PELP1: variants seen among roughly 807,000 people sequenced by gnomAD.
PELP1 encodes the protein proline-, glutamic acid- and leucine-rich protein 1.
PELP1 carries 32 observed loss-of-function variants against 95.5 expected under a neutral mutation model. The ratio of observed to expected loss-of-function variants is 0.34; its 90% confidence interval spans 0.25 to 0.45. The LOEUF (loss-of-function observed/expected upper bound fraction) is 0.45. PELP1 is among the 20% of genes least tolerant of loss of function. The probability of loss-of-function intolerance (pLI) is 1.00; values close to 1 mark genes in which losing one functional copy is unlikely to be tolerated. For missense variants in PELP1, 1,358 were observed against 1,444.8 expected (o/e 0.94, Z 0.97); for synonymous variants, 668 against 600.1 (o/e 1.11, Z -1.65).
chr17:4,696,918 G>A (rs1020938127), intron 1 of PELP1: 3 of 151,960 alleles, frequency 2.0e-5, no homozygotes, highest in African/African-American at 7.3e-5. Context: ...GCAGGTTTTG[G>A]GGTGACAATA....
Position 4,704,055 on chromosome 17 carries a change from G to A in PELP1, c.57C>T (p.Gly19=), listed in dbSNP as rs151144796. The A allele has an allele frequency of 4.7e-5, 75 of 1,612,280 alleles. No homozygotes were observed. In the African/African-American group the frequency reaches 6.7e-4, roughly 14 times the overall value. ...TCACTGCCGAGAGACCCCCGGTCCC[G>A]CCAGGAACCCCAGCCGCGGAGCCCG... ...PSAGSAAGVP[G]GTGGLSAVSS... Residue 19 remains glycine (G), a synonymous_variant, in exon 1 of 17, where the codon GGC becomes GGT. Coordinates refer to ENST00000572293, the MANE Select transcript of PELP1 (RefSeq NM_014389.3).
intron 1 of PELP1, among the ~76,000 whole-genome samples, chr17:4,695,020 T>C (rs888689003): frequency 6.7e-6 from 1 of 150,046 alleles, no homozygotes; most frequent in Non-Finnish European, 1.5e-5. Flanking sequence ...AATGTGAGAC[T>C]CCATTTCGAA....
At chr17:4,681,556 T>C (rs932032635) in intron 5 of PELP1, among the ~76,000 whole-genome samples, 4 of 149,788 alleles carry the variant, frequency 2.7e-5, no homozygotes, top group African/African-American at 7.4e-5. Flanking sequence ...AATCCCAGCA[T>C]TTTGGGAGGT....
In PELP1 at chr17:4,672,279, C is replaced by CTCTTCTTCCTCTTCT. The variant is rs777193038; in HGVS notation, c.2697_2711dup (p.Glu904_Glu908dup). 3.9e-6 allele frequency: 6 copies of CTCTTCTTCCTCTTCT among 1,549,400 alleles called. No homozygotes were observed. Among genetic ancestry groups the CTCTTCTTCCTCTTCT allele is most frequent in the South Asian group, 1.2e-5 (1 of 83,636 alleles). ...CTTCCTCAAAGTCTTCCTCCTCTTC[C>CTCTTCTTCCTCTTCT]TCTTCTTCCTCTTCTTCTTCTTCCT... On this transcript the variant is annotated inframe_insertion, in exon 16 of 17. Coordinates refer to ENST00000572293, the MANE Select transcript of PELP1 (RefSeq NM_014389.3).
chr17:4,700,003 C>T (rs921576456), intron 1 of PELP1, among the ~76,000 whole-genome samples: 4 of 145,790 alleles, frequency 2.7e-5, no homozygotes, highest in African/African-American at 5.1e-5. Context: ...CGAGTTCAAG[C>T]GATTCTCCTG....
chr17:4,679,032 CTT>C (rs58935401), intron 5 of PELP1, among the ~76,000 whole-genome samples: 2 of 146,524 alleles, frequency 1.4e-5, no homozygotes, highest in Non-Finnish European at 1.5e-5. Context: ...TCCAGATGAC[CTT>C]TTTTTTTTTT....
At chr17:4,692,159 T>C (rs1597455602) in intron 1 of PELP1, among the ~76,000 whole-genome samples, 1 of 152,208 alleles carries the variant, frequency 6.6e-6, no homozygotes, top group South Asian at 2.1e-4. Context: ...GAAATATTTA[T>C]TCGTTAAATA....
rs747574743 is a variant in PELP1, at chr17:4,672,597, C to G, written c.2394G>C (p.Leu798=). Residue 798 remains leucine (L), a synonymous_variant, in exon 16 of 17, where the codon CTG becomes CTC. Coordinates refer to ENST00000572293, the MANE Select transcript of PELP1 (RefSeq NM_014389.3). ...VVIVPEGLPP[L]PPPPPSGATP... ...TGGCACCTGAGGGTGGTGGGGGTGGCAGGGGGGGAAGCCCCTCGGGCACGA... is the reference window on the plus strand; with the variant it reads ...TGGCACCTGAGGGTGGTGGGGGTGGGAGGGGGGGAAGCCCCTCGGGCACGA... The G allele has an allele frequency of 4.6e-6, 4 of 861,782 alleles. No individual in the cohort carries two copies. The highest frequency in any genetic ancestry group is 6.1e-6 in the Non-Finnish European group (4 of 659,836). The allele number at this position is 861,782 out of a possible 1,614,324, so 53.4% of individuals were successfully genotyped here.
Position 4,673,805 on chromosome 17 carries a change from A to C in PELP1, c.1583-131T>G. 1.3e-6 allele frequency: 1 copy of C among 766,078 alleles called. No homozygotes were observed. The highest frequency in any genetic ancestry group is 2.4e-6 in the Non-Finnish European group (1 of 422,094). The allele number at this position is 766,078 out of a possible 1,614,324, so 47.5% of individuals were successfully genotyped here. A position where few individuals can be genotyped will look rare whatever the true frequency, so the allele number is the denominator to read the frequency against. On this transcript the variant is annotated intron_variant, in intron 13 of 16. Transcript: ENST00000572293. The surrounding 1 kb of genome is among the most constrained non-coding windows in gnomAD (Gnocchi z 5.7). ...CTTGGCCAAGTCATTTAACTTCTCA[A>C]CTAGAAAATGGGGATCATAAAAGTA... is the stretch of plus-strand genomic sequence containing the variant.
chr17:4,685,792 T>TAAAAAA (rs750825796), intron 3 of PELP1, among the ~76,000 whole-genome samples: 1 of 119,576 alleles, frequency 8.4e-6, no homozygotes, highest in Non-Finnish European at 1.8e-5. Flanking sequence ...AACCATGTCT[T>TAAAAAA]AAAAAAAAAA....
At position 4,675,543 on chromosome 17, in the gene PELP1, A is replaced by G. The variant is rs1433990044; in HGVS notation, c.1069-181T>C. The G allele has an allele frequency of 1.3e-5, 9 of 709,452 alleles. No homozygotes were observed. Among genetic ancestry groups the G allele is most frequent in the Non-Finnish European group, 2.3e-5 (9 of 391,026 alleles). The allele number at this position is 709,452 out of a possible 1,614,324, so 43.9% of individuals were successfully genotyped here. A position where few individuals can be genotyped will look rare whatever the true frequency, so the allele number is the denominator to read the frequency against. On this transcript the variant is annotated intron_variant, in intron 9 of 16. Coordinates refer to ENST00000572293, the MANE Select transcript of PELP1 (RefSeq NM_014389.3). This position sits in a 1 kb window ranked among gnomAD's most constrained non-coding sequence, Gnocchi z 4.3. ...AAATAGACCCTGGATGGAAGGTAAG[A>G]AGGATGGCTGGGCCTCTCAGCAATG...
Position 4,682,864 on chromosome 17 carries a change from C to T in PELP1, c.509G>A (p.Arg170Gln), listed in dbSNP as rs200425446. The T allele has an allele frequency of 3.0e-4, 482 of 1,601,738 alleles. 5 individuals are homozygous for T. In the East Asian group the frequency reaches 5.2e-3, roughly 17 times the overall value. ...AGGGAGGTGGTTCATGGAGATGTCC[C>T]GGAACAGTGCAGGCAGCTGGGCTGC... ...RYAAQLPALF[R>Q]DISMNHLPGL... The change falls in exon 4 of 17, where the codon CGG becomes CAG. Residue 170 changes from arginine (R) to glutamine (Q), a missense_variant. Coordinates refer to ENST00000572293, the MANE Select transcript of PELP1 (RefSeq NM_014389.3).
At position 4,673,765 on chromosome 17, in the gene PELP1, T is replaced by G. The variant is rs1912338459; in HGVS notation, c.1583-91A>C. On this transcript the variant is annotated intron_variant, in intron 13 of 16. Coordinates refer to ENST00000572293, the MANE Select transcript of PELP1 (RefSeq NM_014389.3). The surrounding 1 kb of genome is among the most constrained non-coding windows in gnomAD (Gnocchi z 5.7). ...CATACAGCCCAAAATGGGCATCAAC[T>G]CTGCCACTGCCTATCTTGGCCAAGT... 1 of 1,031,690 alleles carries G rather than the reference T, an allele frequency of 9.7e-7. No individual in the cohort carries two copies. The highest frequency in any genetic ancestry group is 1.5e-6 in the Non-Finnish European group (1 of 649,182). 63.9% of individuals were successfully genotyped at this position (1,031,690 alleles called of 1,614,324 possible).
At chr17:4,675,000 A>G in intron 11 of PELP1, 44 bp from the exon 12 acceptor site, 1 of 1,605,570 alleles carries the variant, frequency 6.2e-7, no homozygotes. Flanking sequence ...GGGGGTCAAC[A>G]TGCCAGAAGC....
chr17:4,700,442 C>T (rs143318513), intron 1 of PELP1, among the ~76,000 whole-genome samples: 1,895 of 152,080 alleles, frequency 0.012, 11 homozygotes, highest in Middle Eastern at 0.058. Context: ...GTCAGAAGTT[C>T]GAGACCAGCC....
At chr17:4,702,996 A>C (rs940164914) in intron 1 of PELP1, among the ~76,000 whole-genome samples, 3 of 152,160 alleles carry the variant, frequency 2.0e-5, no homozygotes, top group Non-Finnish European at 4.4e-5. Flanking sequence ...AATCAACAGG[A>C]CTTGACAGAT....
At chr17:4,692,257 G>A (rs1913134378) in intron 1 of PELP1, among the ~76,000 whole-genome samples, 1 of 152,096 alleles carries the variant, frequency 6.6e-6, no homozygotes, top group Admixed American at 6.5e-5. Context: ...CACGAGGTCA[G>A]GAGATCGAGA....
In PELP1 at chr17:4,700,149, C is replaced by T. The variant is rs569990531; in HGVS notation, c.249+3714G>A. ...CTTAAACTCCTGACCTTGTGATCCA[C>T]CCACCTTGGCCTCCCAAAGTGCTGG... is the stretch of plus-strand genomic sequence containing the variant. On this transcript the variant is annotated intron_variant, in intron 1 of 16. Coordinates refer to ENST00000572293, the MANE Select transcript of PELP1 (RefSeq NM_014389.3). 1.1e-3 allele frequency among the ~76,000 whole-genome samples: 174 copies of T among 152,104 alleles called. 2 individuals are homozygous for T. The highest frequency in any genetic ancestry group is 3.4e-3 in the Middle Eastern group (1 of 292).
Position 4,674,919 on chromosome 17 carries a change from A to G in PELP1, c.1312T>C (p.Trp438Arg). The part of the protein sequence containing the change: ...RTKVYAILEL[W>R]VQVCGASAGM... ...GCCGAGGCCCCACAAACCTGCACCC[A>G]CAGCTCTAATATCGCATACACCTTG... The change falls in exon 12 of 17, where the codon TGG becomes CGG. Residue 438 changes from tryptophan to arginine, a missense_variant. Around this residue, in one of 7 missense-constraint regions of PELP1, gnomAD observed 538 missense variants for 628.1 expected, o/e 0.86. Transcript: ENST00000572293. 1 of 1,613,574 alleles carries G rather than the reference A, an allele frequency of 6.2e-7. No homozygotes were observed. The highest frequency in any genetic ancestry group is 8.5e-7 in the Non-Finnish European group (1 of 1,179,660).
Sources: gnomAD v4.1 joint callset for allele counts (sites outside exome capture counted in the v4.1 genomes callset) on GRCh38, gnomAD v4.1.1 for gene constraint, gnomAD v4.1.1 regional missense constraint, Gnocchi (gnomAD v3.1) non-coding constraint, MANE v1.5 for transcripts, NCBI Gene and HGNC (gene_info 2026-07-23, HGNC 2026-07-21) for gene names.